VSTM4: variants seen among roughly 807,000 people sequenced by gnomAD.
The protein encoded by VSTM4 is V-set and transmembrane domain containing 4, also known as V-set and transmembrane domain-containing protein 4.
A neutral mutation model predicts 36.4 loss-of-function variants in VSTM4; 20 were observed. The ratio of observed to expected loss-of-function variants is 0.55; its 90% CI spans 0.39 to 0.80. The LOEUF is 0.80. Among genes scored for constraint, VSTM4 ranks in the 30% least tolerant of loss-of-function variants. VSTM4 has a pLI of 0.00. For missense variants in VSTM4, 392 were observed against 404.5 expected (o/e 0.97, Z 0.26); for synonymous variants, 182 against 173.9 (o/e 1.05, Z -0.37).
rs1460298291 is a variant in VSTM4 at position 49,107,627 on chromosome 10, A to C, written c.424T>G (p.Trp142Gly). The change falls in exon 2 of 8, where the codon TGG (tryptophan) becomes GGG (glycine). Residue 142 changes from tryptophan (W) to glycine (G), a missense_variant. Transcript: ENST00000332853. The part of the protein sequence containing the change: ...ISRHRNKWTA[W>G]SNGSSATEMR... ...TCCGTGGCTGAGGAGCCATTGGACC[A>C]GGCCGTCCACTTGTTCCTGTGCCTG... 1.6e-5 allele frequency: 25 copies of C among 1,612,778 alleles called. No individual in the cohort carries two copies. The highest frequency in any genetic ancestry group is 2.1e-5 in the Non-Finnish European group (25 of 1,178,948).
rs539719761 is a variant in VSTM4 at position 49,105,227 on chromosome 10, G to GAGAC, written c.457+2366_457+2367insGTCT. Among the ~76,000 whole-genome samples the GAGAC allele has an allele frequency of 5.4e-5, 8 of 148,218 alleles. No homozygotes were observed. The East Asian group carries it at 1.0e-3, about 19-fold the overall frequency. On this transcript the variant is annotated intron_variant, in intron 2 of 7. Coordinates refer to ENST00000332853, the MANE Select transcript of VSTM4 (RefSeq NM_001031746.5). ...AGACAGAGAGACAGAGAGAGAGAGA[G>GAGAC]AGAGAGAGACAGAGAGGGAAAGAGA...
intron 2 of VSTM4, chr10:49,102,546 A>G (rs1017994761): frequency 4.1e-6 from 4 of 985,452 alleles, no homozygotes; most frequent in Non-Finnish European, 4.8e-6. Flanking sequence ...AAGCTACAAG[A>G]TGTTGCCAGT....
At chr10:49,056,147 A>G (rs550072479) in intron 5 of VSTM4, among the ~76,000 whole-genome samples, 1 of 152,356 alleles carries the variant, frequency 6.6e-6, no homozygotes, top group African/African-American at 2.4e-5. Flanking sequence ...GACCTTTACA[A>G]TAAATGGTTT....
chr10:49,091,687 C>T lies in VSTM4; in HGVS notation c.458-5664G>A, dbSNP rs901249614. On this transcript the variant is annotated intron_variant, in intron 2 of 7. Transcript: ENST00000332853. ...GGTGCCAAGGGGCCTCTGGTTCTTTCGGGGTCCCCCATTCACCAAGGACGC... is the reference window on the plus strand; with the variant it reads ...GGTGCCAAGGGGCCTCTGGTTCTTTTGGGGTCCCCCATTCACCAAGGACGC... Among the ~76,000 whole-genome samples, 6 of 152,152 alleles carry T rather than the reference C, an allele frequency of 3.9e-5. No homozygotes were observed. The East Asian group carries it at 9.6e-4, about 24-fold the overall frequency.
intron 1 of VSTM4, among the ~76,000 whole-genome samples, chr10:49,113,872 T>G (rs891551654): frequency 1.3e-5 from 2 of 152,058 alleles, no homozygotes; most frequent in African/African-American, 4.8e-5. Context: ...GCTCTTATCA[T>G]CCTCCAGGGC....
intron 7 of VSTM4, among the ~76,000 whole-genome samples, chr10:49,045,010 A>C (rs1422937207): frequency 6.6e-6 from 1 of 152,202 alleles, no homozygotes; most frequent in African/African-American, 2.4e-5. Flanking sequence ...TGACAATCCT[A>C]TGCAGTTATG....
At chr10:49,103,601 G>A in intron 2 of VSTM4, 1 of 1,456,176 alleles carries the variant, frequency 6.9e-7, no homozygotes, top group Non-Finnish European at 9.0e-7. Context: ...CTCAGAACTG[G>A]GAGTTATTTT....
At chr10:49,062,997 T>C (rs1242778106) in intron 5 of VSTM4, among the ~76,000 whole-genome samples, 6 of 152,074 alleles carry the variant, frequency 3.9e-5, no homozygotes, top group African/African-American at 1.5e-4. Flanking sequence ...GTCAACTGTT[T>C]TAAGATAATT....
chr10:49,105,328 A>ATAGAG (rs748170981), intron 2 of VSTM4, among the ~76,000 whole-genome samples: 1 of 47,576 alleles, frequency 2.1e-5, no homozygotes, highest in African/African-American at 1.7e-4. Flanking sequence ...AGAGAGAGAG[A>ATAGAG]CGGGGGGGGG....
chr10:49,036,826 C>T (rs1342340954), intron 7 of VSTM4, among the ~76,000 whole-genome samples: 3 of 152,246 alleles, frequency 2.0e-5, no homozygotes, highest in East Asian at 1.9e-4. Flanking sequence ...TTTTCAACAG[C>T]GCTATGGAGG....
At chr10:49,025,647 G>A (rs1590066591) in intron 7 of VSTM4, among the ~76,000 whole-genome samples, 1 of 152,366 alleles carries the variant, frequency 6.6e-6, no homozygotes, top group East Asian at 1.9e-4. Context: ...TGACTGGTAT[G>A]AAGGGCACCT....
chr10:49,095,076 A>T (rs1189356031), intron 2 of VSTM4, among the ~76,000 whole-genome samples: 1 of 152,190 alleles, frequency 6.6e-6, no homozygotes, highest in Non-Finnish European at 1.5e-5. Flanking sequence ...GGGCAAACAA[A>T]AAAAATGAAA....
At chr10:49,029,629 A>G (rs1843315093) in intron 7 of VSTM4, among the ~76,000 whole-genome samples, 1 of 152,236 alleles carries the variant, frequency 6.6e-6, no homozygotes, top group South Asian at 2.1e-4. Context: ...TATCCAGGTG[A>G]GCAGACAGGC....
At chr10:49,023,161 T>C (rs558497561) in intron 7 of VSTM4, among the ~76,000 whole-genome samples, 31 of 152,354 alleles carry the variant, frequency 2.0e-4, no homozygotes, top group African/African-American at 7.2e-4. Flanking sequence ...TATAATAATT[T>C]GATTGAAGAT....
chr10:49,075,289 C>T (rs1055976191), intron 4 of VSTM4, among the ~76,000 whole-genome samples: 1 of 152,152 alleles, frequency 6.6e-6, no homozygotes, highest in African/African-American at 2.4e-5. Context: ...TGCAGACTCT[C>T]GATCATGCCC....
intron 7 of VSTM4, among the ~76,000 whole-genome samples, chr10:49,043,690 T>C (rs772622656): frequency 6.6e-6 from 1 of 152,164 alleles, no homozygotes; most frequent in Non-Finnish European, 1.5e-5. Flanking sequence ...AATTAGCAAA[T>C]AATGATTGTT....
At chr10:49,089,453 G>C (rs539400178) in intron 2 of VSTM4, among the ~76,000 whole-genome samples, 65 of 152,018 alleles carry the variant, frequency 4.3e-4, no homozygotes, top group Non-Finnish European at 7.5e-4. Flanking sequence ...CAACTTTCAG[G>C]GTCAGAAATT....
intron 7 of VSTM4, among the ~76,000 whole-genome samples, chr10:49,044,399 AAGAAAAAGAAAG>A (rs1387898659): frequency 6.6e-6 from 1 of 150,996 alleles, no homozygotes; most frequent in Non-Finnish European, 1.5e-5. Flanking sequence ...GAGAGAGAGA[AAGAAAAAGAAAG>A]AGAGAAAGAA....
At position 49,107,800 on chromosome 10, in the gene VSTM4, A is replaced by C; in HGVS notation, c.251T>G (p.Val84Gly). ...LMVKMTKLRVVQYYGNFSRSA... is the reference protein window; with the variant it reads ...LMVKMTKLRVGQYYGNFSRSA... ...GCGGCTGAAATTCCCATAGTACTGC[A>C]CCACCCGGAGCTTGGTCATCTTCAC... Residue 84 changes from valine (V) to glycine (G), a missense_variant, in exon 2 of 8, where the codon GTG becomes GGG. Physicochemically the swap from Val to Gly is moderately radical, Grantham distance 109. Transcript: ENST00000332853. 1 of 1,614,266 alleles carries C rather than the reference A, an allele frequency of 6.2e-7. No homozygotes were observed. The highest frequency in any genetic ancestry group is 8.5e-7 in the Non-Finnish European group (1 of 1,180,048).
Sources: allele counts gnomAD v4.1 joint callset (sites outside exome capture counted in the v4.1 genomes callset), GRCh38; gene constraint gnomAD v4.1.1; transcripts MANE v1.5; gene names NCBI Gene and HGNC (gene_info 2026-07-23, HGNC 2026-07-21).